The following REEP3 variants were observed in gnomAD, a reference collection of about 807,000 sequenced individuals.
The protein encoded by REEP3 is receptor accessory protein 3, also known as receptor expression-enhancing protein 3.
In REEP3, 20 loss-of-function variants were observed where a neutral mutation model predicts 41.3. The ratio of observed to expected loss-of-function variants is 0.48; its 90% CI spans 0.34 to 0.70. REEP3 has a LOEUF of 0.70. Ranked by LOEUF, REEP3 falls within the 30% of genes least tolerant of loss-of-function variation. The pLI is 0.01. For synonymous variants in REEP3, 104 were observed against 101.8 expected, an observed-to-expected ratio of 1.02 and a Z score of -0.13; for missense variants, 271 against 308.8, an observed-to-expected ratio of 0.88 and a Z score of 0.92.
chr10:63,569,355 T>C (rs949906700), intron 2 of REEP3, among the ~76,000 whole-genome samples: 12 of 152,144 alleles, frequency 7.9e-5, no homozygotes, highest in Non-Finnish European at 1.0e-4. Context: ...ATTGGGCCCA[T>C]TTCACCTAGA....
chr10:63,599,876 G>C (rs1295827474), intron 5 of REEP3, among the ~76,000 whole-genome samples: 1 of 152,152 alleles, frequency 6.6e-6, no homozygotes, highest in African/African-American at 2.4e-5. Flanking sequence ...GTTGTAATTT[G>C]TGTGATTTAT....
chr10:63,521,631 G>A, intron 1 of REEP3, 54 bp downstream of exon 1: 1 of 1,296,010 alleles, frequency 7.7e-7, no homozygotes, highest in Non-Finnish European at 1.0e-6. Context: ...GGGAGCTGTG[G>A]GAAGGGGAAG....
At chr10:63,552,856 G>C (rs1955642283) in intron 1 of REEP3, among the ~76,000 whole-genome samples, 1 of 152,140 alleles carries the variant, frequency 6.6e-6, no homozygotes, top group Admixed American at 6.5e-5. Context: ...TAAATTAGGT[G>C]GTAGTGTAGT....
chr10:63,555,833 G>A (rs1446933102), intron 1 of REEP3, among the ~76,000 whole-genome samples: 1 of 152,146 alleles, frequency 6.6e-6, no homozygotes, highest in African/African-American at 2.4e-5. Context: ...GAGCCCTACT[G>A]CCAAAAATCC....
chr10:63,605,482 G>T lies in REEP3; in HGVS notation c.418-4705G>T, dbSNP rs1956216383. 1.3e-5 allele frequency among the ~76,000 whole-genome samples: 2 copies of T among 152,170 alleles called. 1 individual carries two copies. The highest frequency in any genetic ancestry group is 4.1e-4 in the South Asian group (2 of 4,834). ...TGAATAGTATAATAAGAATTATTCT[G>T]TAAAAGAATGTTTTGTGCTTGTACG... On this transcript the variant is annotated intron_variant, in intron 5 of 7. Coordinates refer to ENST00000373758, the MANE Select transcript of REEP3 (RefSeq NM_001001330.3).
intron 2 of REEP3, among the ~76,000 whole-genome samples, chr10:63,575,704 A>G (rs1384303939): frequency 6.6e-6 from 1 of 152,024 alleles, no homozygotes; most frequent in East Asian, 1.9e-4. Context: ...TATGACTGAC[A>G]GTTTTTTGGA....
intron 2 of REEP3, among the ~76,000 whole-genome samples, chr10:63,578,105 A>G (rs1350010966): frequency 6.6e-6 from 1 of 151,924 alleles, no homozygotes; most frequent in Non-Finnish European, 1.5e-5. Context: ...TTATGTATGT[A>G]TTTATTTATT....
At chr10:63,555,334 T>C (rs1955668063) in intron 1 of REEP3, among the ~76,000 whole-genome samples, 1 of 152,172 alleles carries the variant, frequency 6.6e-6, no homozygotes, top group Non-Finnish European at 1.5e-5. Context: ...CACTTAACCA[T>C]TGTTTTACTA....
At chr10:63,569,979 A>G (rs1186129338) in intron 2 of REEP3, among the ~76,000 whole-genome samples, 1 of 152,106 alleles carries the variant, frequency 6.6e-6, no homozygotes, top group Non-Finnish European at 1.5e-5. Context: ...TAAAAATCAG[A>G]AAGATTAATG....
chr10:63,599,157 CT>C lies in REEP3; in HGVS notation c.304-8del, dbSNP rs1217269993. The C allele has an allele frequency of 7.2e-6, 10 of 1,390,914 alleles. No individual in the cohort carries two copies. Among genetic ancestry groups the C allele is most frequent in the African/African-American group, 2.9e-5 (2 of 68,792 alleles). 86.2% of individuals were successfully genotyped at this position (1,390,914 alleles called of 1,614,324 possible). A position where few individuals can be genotyped will look rare whatever the true frequency, so the allele number is the denominator to read the frequency against. ...TTTTAAGTAAAACTAACATCTGTGG[CT>C]TTTTCCCCCAGGAGATTGATGATTA... On this transcript the variant is annotated splice_polypyrimidine_tract_variant and intron_variant, in intron 4 of 7. Transcript: ENST00000373758.
In REEP3 at chr10:63,557,939, A is replaced by C. The variant is rs576987231; in HGVS notation, c.33-8399A>C. Among the ~76,000 whole-genome samples the C allele has an allele frequency of 3.3e-5, 5 of 152,316 alleles. No individual in the cohort carries two copies. The South Asian group carries it at 1.0e-3, about 32-fold the overall frequency. ...AATATAATTCTTTTCAGATGGAAGG[A>C]AGGCATCAATTTCTCAAAGAAAGCT... On this transcript the variant is annotated intron_variant, in intron 1 of 7. Transcript: ENST00000373758.
intron 1 of REEP3, 50 bp from the exon 2 acceptor site, chr10:63,566,288 T>C (rs1463738551): frequency 5.5e-5 from 59 of 1,073,080 alleles, no homozygotes; most frequent in Non-Finnish European, 7.9e-5. Flanking sequence ...TTATGAGCTG[T>C]TTAAAACATT....
At chr10:63,548,046 T>G (rs564772471) in intron 1 of REEP3, among the ~76,000 whole-genome samples, 2 of 152,220 alleles carry the variant, frequency 1.3e-5, no homozygotes, top group African/African-American at 2.4e-5. Context: ...GTGTCACTTA[T>G]TGATTGTCAT....
chr10:63,554,056 C>T lies in REEP3; in HGVS notation c.33-12282C>T, dbSNP rs543440047. On this transcript the variant is annotated intron_variant, in intron 1 of 7. Transcript: ENST00000373758. ...GGCAGAGCTTGCAGTGAGTGGAGAT[C>T]GCACCACTGCCCTCCAGCCTGGGTG... 9.5e-4 allele frequency among the ~76,000 whole-genome samples: 144 copies of T among 150,908 alleles called. 1 individual carries two copies. The highest frequency in any genetic ancestry group is 1.8e-3 in the Non-Finnish European group (124 of 67,796).
chr10:63,549,555 G>A (rs976702869), intron 1 of REEP3, among the ~76,000 whole-genome samples: 5 of 152,164 alleles, frequency 3.3e-5, no homozygotes, highest in African/African-American at 7.2e-5. Context: ...TGACGTTGTC[G>A]AAGGGAATAG....
intron 2 of REEP3, among the ~76,000 whole-genome samples, chr10:63,579,230 C>T (rs1349256529): frequency 6.6e-6 from 1 of 152,032 alleles, no homozygotes; most frequent in African/African-American, 2.4e-5. Flanking sequence ...GGGGTTTCAC[C>T]ATGTTAGCCA....
chr10:63,537,047 A>G (rs1354693643), intron 1 of REEP3, among the ~76,000 whole-genome samples: 4 of 152,238 alleles, frequency 2.6e-5, no homozygotes, highest in Non-Finnish European at 5.9e-5. Flanking sequence ...ATCAAAAGAC[A>G]TTTGCAAGGA....
At chr10:63,521,876 G>T (rs1486535972) in intron 1 of REEP3, 1 of 162,512 alleles carries the variant, frequency 6.2e-6, no homozygotes, top group Non-Finnish European at 1.3e-5. Context: ...GGCGGCGCTG[G>T]GTGGGCAGGC....
chr10:63,578,062 G>C (rs1372889393), intron 2 of REEP3, among the ~76,000 whole-genome samples: 2 of 152,068 alleles, frequency 1.3e-5, no homozygotes, highest in East Asian at 3.8e-4. Flanking sequence ...ACTTGCAGTT[G>C]AGTTACTCTG....
Sources: allele counts gnomAD v4.1 joint callset (sites outside exome capture counted in the v4.1 genomes callset), GRCh38; gene constraint gnomAD v4.1.1; transcripts MANE v1.5; gene names NCBI Gene and HGNC (gene_info 2026-07-23, HGNC 2026-07-21).